Variants in NCKAP5 observed in about 807,000 individuals in gnomAD.
The protein encoded by NCKAP5 is nck-associated protein 5.
A neutral mutation model predicts 167.0 loss-of-function variants in NCKAP5; 92 were observed. The ratio of observed to expected loss-of-function variants is 0.55; its 90% CI spans 0.47 to 0.66. The LOEUF (loss-of-function observed/expected upper bound fraction) is 0.66. NCKAP5 is among the 30% of genes least tolerant of loss of function. The pLI, the probability that NCKAP5 is intolerant of heterozygous loss-of-function variation, is 0.00. For missense variants in NCKAP5, 2,378 were observed against 2,315.0 expected (o/e 1.03, Z -0.56); for synonymous variants, 891 against 877.4 (o/e 1.02, Z -0.27).
intron 3 of NCKAP5, among the ~76,000 whole-genome samples, chr2:133,446,512 G>A (rs1338881663): frequency 1.3e-5 from 2 of 152,160 alleles, no homozygotes; most frequent in African/African-American, 4.8e-5. Flanking sequence ...CTGAAGCAAG[G>A]AAAATTTAAA....
chr2:133,231,665 C>T (rs914802153), intron 4 of NCKAP5, among the ~76,000 whole-genome samples: 1 of 152,080 alleles, frequency 6.6e-6, no homozygotes, highest in Non-Finnish European at 1.5e-5. Flanking sequence ...AACACTGAAA[C>T]AGGCAACAGA....
intron 7 of NCKAP5, among the ~76,000 whole-genome samples, chr2:132,973,056 C>T (rs979560966): frequency 1.3e-5 from 2 of 152,118 alleles, no homozygotes; most frequent in Admixed American, 6.6e-5. Context: ...ATCCCAACTC[C>T]AATACTCAGT....
At chr2:133,058,516 A>G (rs2079879037) in intron 6 of NCKAP5, among the ~76,000 whole-genome samples, 1 of 152,236 alleles carries the variant, frequency 6.6e-6, no homozygotes, top group Non-Finnish European at 1.5e-5. Context: ...ACAAACCTTC[A>G]GTGGTATAAG....
chr2:132,897,330 C>G (rs188504365), intron 8 of NCKAP5, among the ~76,000 whole-genome samples: 1 of 152,306 alleles, frequency 6.6e-6, no homozygotes, highest in East Asian at 1.9e-4. Context: ...AGGCTGGGAA[C>G]AGCAAAGCTT....
At chr2:133,148,886 C>A (rs2083292083) in intron 5 of NCKAP5, among the ~76,000 whole-genome samples, 1 of 152,122 alleles carries the variant, frequency 6.6e-6, no homozygotes, top group African/African-American at 2.4e-5. Context: ...TGGGAGGACA[C>A]AAACATTCAG....
intron 19 of NCKAP5, among the ~76,000 whole-genome samples, chr2:132,694,219 A>G (rs1034890830): frequency 1.3e-5 from 2 of 152,110 alleles, no homozygotes; most frequent in Non-Finnish European, 2.9e-5. Context: ...CATGTGAAAT[A>G]ATGATTACAT....
At chr2:132,994,777 T>A (rs541266944) in intron 6 of NCKAP5, among the ~76,000 whole-genome samples, 1 of 152,292 alleles carries the variant, frequency 6.6e-6, no homozygotes, top group African/African-American at 2.4e-5. Context: ...ATTAGGTGAT[T>A]TTGTCATTTT....
chr2:133,458,110 T>C (rs989904105), intron 3 of NCKAP5, among the ~76,000 whole-genome samples: 7 of 152,158 alleles, frequency 4.6e-5, no homozygotes, highest in African/African-American at 1.4e-4. Flanking sequence ...CAGTTTAAGC[T>C]GAACAAACAG....
chr2:133,210,829 A>T (rs1009129772), intron 5 of NCKAP5, among the ~76,000 whole-genome samples: 1 of 152,194 alleles, frequency 6.6e-6, no homozygotes, highest in East Asian at 1.9e-4. Context: ...AAATGTGACA[A>T]ATCATGGAAT....
chr2:132,700,385 A>G (rs1187932950), intron 19 of NCKAP5, among the ~76,000 whole-genome samples: 1 of 152,184 alleles, frequency 6.6e-6, no homozygotes, highest in African/African-American at 2.4e-5. Flanking sequence ...TGTTTTAGTC[A>G]TGAAGTCCTT....
chr2:133,461,480 T>C (rs1013836428), intron 3 of NCKAP5, among the ~76,000 whole-genome samples: 2 of 152,168 alleles, frequency 1.3e-5, no homozygotes, highest in Non-Finnish European at 2.9e-5. Flanking sequence ...TTTATATCTC[T>C]CTCACCTGGT....
In NCKAP5 at chr2:133,125,081, A is replaced by G. The variant is rs138111544; in HGVS notation, c.341+4897T>C. Among the ~76,000 whole-genome samples the G allele has an allele frequency of 5.3e-3, 812 of 152,278 alleles. 16 individuals carry two copies. The highest frequency in any genetic ancestry group is 0.019 in the African/African-American group (771 of 41,554). ...AATCATCATCATCATCTACAAGTTG[A>G]TTAGATTATTTCCAAAGGGACCAAC... On this transcript the variant is annotated intron_variant, in intron 6 of 19. Transcript: ENST00000409261.
rs147089150 is a variant in NCKAP5 at position 132,834,858 on chromosome 2, G to C, written c.807+25634C>G. 6.0e-3 allele frequency among the ~76,000 whole-genome samples: 918 copies of C among 152,264 alleles called. 7 individuals are homozygous for C. Among genetic ancestry groups the C allele is most frequent in the Non-Finnish European group, 5.9e-3 (402 of 68,028 alleles). On this transcript the variant is annotated intron_variant, in intron 11 of 19. Transcript: ENST00000409261. ...AGGACTTCCAGTACTATGTTGAATAGGAGTTATGAAAGTGGGTATCTTTGT... is the reference window on the plus strand; with the variant it reads ...AGGACTTCCAGTACTATGTTGAATACGAGTTATGAAAGTGGGTATCTTTGT...
intron 6 of NCKAP5, among the ~76,000 whole-genome samples, chr2:133,039,164 T>C (rs1403437598): frequency 6.6e-6 from 1 of 152,094 alleles, no homozygotes; most frequent in African/African-American, 2.4e-5. Flanking sequence ...CCCACAGAAA[T>C]AGGAGGACAC....
chr2:133,105,929 G>T (rs559182300), intron 6 of NCKAP5, among the ~76,000 whole-genome samples: 1 of 152,040 alleles, frequency 6.6e-6, no homozygotes, highest in Non-Finnish European at 1.5e-5. Flanking sequence ...AAAACATAAA[G>T]CCTACTCACT....
chr2:133,250,763 C>A (rs1382480115), intron 4 of NCKAP5, among the ~76,000 whole-genome samples: 1 of 152,016 alleles, frequency 6.6e-6, no homozygotes, highest in Non-Finnish European at 1.5e-5. Flanking sequence ...CACAGGGAGC[C>A]TACATCTCTA....
intron 8 of NCKAP5, among the ~76,000 whole-genome samples, chr2:132,932,329 T>C (rs1696443552): frequency 6.6e-6 from 1 of 152,202 alleles, no homozygotes; most frequent in South Asian, 2.1e-4. Flanking sequence ...TCTTTTCTTT[T>C]TTTTGTGTGT....
intron 4 of NCKAP5, among the ~76,000 whole-genome samples, chr2:133,244,818 A>G (rs1410172661): frequency 6.6e-6 from 1 of 152,168 alleles, no homozygotes; most frequent in Admixed American, 6.5e-5. Context: ...TCAATTCCTG[A>G]GGGACTGCAA....
chr2:133,339,674 G>A (rs543251310), intron 3 of NCKAP5, among the ~76,000 whole-genome samples: 1 of 152,288 alleles, frequency 6.6e-6, no homozygotes, highest in Admixed American at 6.5e-5. Context: ...AGCCAGAATG[G>A]AAAAGATAGC....
Sources: allele counts gnomAD v4.1 joint callset (sites outside exome capture counted in the v4.1 genomes callset), GRCh38; gene constraint gnomAD v4.1.1; transcripts MANE v1.5; gene names NCBI Gene and HGNC (gene_info 2026-07-23, HGNC 2026-07-21).